The following MID1 variants were observed in gnomAD, a reference collection of about 807,000 sequenced individuals.
MID1 encodes the protein E3 ubiquitin-protein ligase Midline-1.
In MID1, 7 loss-of-function variants were observed where a neutral mutation model predicts 40.4. The observed-to-expected ratio is 0.17, with a 90% CI of 0.10 to 0.33. The LOEUF (loss-of-function observed/expected upper bound fraction) is 0.33. Ranked by LOEUF, MID1 falls within the 10% of genes least tolerant of loss-of-function variation. The pLI is 1.00. For missense variants in MID1, 367 were observed against 558.5 expected, an observed-to-expected ratio of 0.66 and a Z score of 3.46; for synonymous variants, 229 against 221.2, an observed-to-expected ratio of 1.04 and a Z score of -0.31.
chrX:10,503,545 T>C (rs774345059), intron 3 of MID1, among the ~76,000 whole-genome samples: 1 of 112,543 alleles, frequency 8.9e-6, no homozygotes, highest in Non-Finnish European at 1.9e-5. Context: ...CAAGAAAGGC[T>C]TTTCAGAAAA....
At chrX:10,664,323 A>G (rs2042936432) in intron 1 of MID1, among the ~76,000 whole-genome samples, 1 of 111,202 alleles carries the variant, frequency 9.0e-6, no homozygotes, top group East Asian at 2.8e-4. Flanking sequence ...CACCATGTCC[A>G]GCTATTTTTA....
At chrX:10,814,095 T>G (rs192244915) in intron 1 of MID1, among the ~76,000 whole-genome samples, 1 of 112,002 alleles carries the variant, frequency 8.9e-6, no homozygotes, top group East Asian at 2.8e-4. Flanking sequence ...TTCTAAAATT[T>G]TTTTCAAATT....
chrX:10,785,708 A>C (rs1220568780), intron 1 of MID1, among the ~76,000 whole-genome samples: 4 of 111,414 alleles, frequency 3.6e-5, no homozygotes, highest in African/African-American at 9.8e-5. Context: ...CAAAAACAAG[A>C]AATGGGGAAA....
chrX:10,482,208 C>A (rs1000239307), intron 5 of MID1, among the ~76,000 whole-genome samples: 1 of 111,917 alleles, frequency 8.9e-6, no homozygotes, highest in Admixed American at 9.4e-5. Context: ...AAGCTCCCCC[C>A]TCGTCCAAAA....
intron 1 of MID1, among the ~76,000 whole-genome samples, chrX:10,728,554 T>G (rs1319923977): frequency 8.9e-6 from 1 of 112,161 alleles, no homozygotes; most frequent in Non-Finnish European, 1.9e-5. Context: ...TTAAAACTAC[T>G]AAGCTAGTAG....
At chrX:10,785,760 C>T (rs1669148358) in intron 1 of MID1, among the ~76,000 whole-genome samples, 4 of 111,387 alleles carry the variant, frequency 3.6e-5, no homozygotes, top group East Asian at 5.6e-4. Flanking sequence ...AACTGGCTAG[C>T]CATATGTAGA....
At chrX:10,637,161 T>C (rs1322577188) in intron 1 of MID1, among the ~76,000 whole-genome samples, 3 of 110,214 alleles carry the variant, frequency 2.7e-5, no homozygotes, top group Non-Finnish European at 3.8e-5. Context: ...TCTATGAGCA[T>C]ATCACATTTA....
At chrX:10,469,257 A>AT (rs1482352101) in intron 7 of MID1, 49 of 715,098 alleles carry the variant, frequency 6.9e-5, no homozygotes, top group Non-Finnish European at 7.7e-5. Context: ...TTTTTTTTGT[A>AT]TTTTTTGTAG....
At chrX:10,775,842 A>T (rs948081640) in intron 1 of MID1, among the ~76,000 whole-genome samples, 2 of 111,615 alleles carry the variant, frequency 1.8e-5, no homozygotes, top group Non-Finnish European at 3.8e-5. Context: ...TTGCTAATTT[A>T]ATCAGTAATA....
chrX:10,734,351 C>A (rs1310527361), intron 1 of MID1, among the ~76,000 whole-genome samples: 1 of 110,246 alleles, frequency 9.1e-6, no homozygotes, highest in Non-Finnish European at 1.9e-5. Context: ...AACTCATGAA[C>A]ATAAAGAAGG....
intron 1 of MID1, among the ~76,000 whole-genome samples, chrX:10,673,221 T>A (rs923743012): frequency 9.0e-6 from 1 of 111,725 alleles, no homozygotes; most frequent in African/African-American, 3.3e-5. Flanking sequence ...AAGGGATGCA[T>A]TTTTCTACAA....
chrX:10,598,922 T>A (rs1192818944), intron 1 of MID1, among the ~76,000 whole-genome samples: 1 of 111,878 alleles, frequency 8.9e-6, no homozygotes, highest in African/African-American at 3.3e-5. Flanking sequence ...AATCTGTACA[T>A]TTGTGCTAAT....
chrX:10,496,575 G>T (rs1418634452), intron 3 of MID1, among the ~76,000 whole-genome samples: 3 of 112,691 alleles, frequency 2.7e-5, no homozygotes, highest in African/African-American at 9.7e-5. Flanking sequence ...AGCCACAGGA[G>T]AAGTTGCAAT....
At chrX:10,766,273 T>TG (rs201295079) in intron 1 of MID1, among the ~76,000 whole-genome samples, 6,676 of 111,710 alleles carry the variant, frequency 0.06, 510 homozygotes, top group African/African-American at 0.21. Context: ...CATCATTTAG[T>TG]GGGTAGAGGA....
At chrX:10,763,296 C>T (rs1205643789) in intron 1 of MID1, among the ~76,000 whole-genome samples, 1 of 109,662 alleles carries the variant, frequency 9.1e-6, no homozygotes, top group Admixed American at 9.8e-5. Context: ...GTATATCTCC[C>T]AATGCTATCC....
intron 1 of MID1, among the ~76,000 whole-genome samples, chrX:10,790,994 T>C (rs928950875): frequency 2.7e-5 from 3 of 112,721 alleles, no homozygotes; most frequent in African/African-American, 9.7e-5. Context: ...GACAGTTGAA[T>C]GGACGGATGA....
intron 1 of MID1, chrX:10,590,046 A>AGG (rs1194641587): frequency 9.0e-6 from 1 of 110,999 alleles, no homozygotes; most frequent in Non-Finnish European, 1.9e-5. Context: ...TTGAGCAAGC[A>AGG]GGGGGTACGT....
At position 10,478,526 on chromosome X, in the gene MID1, A is replaced by G. The variant is rs184394373; in HGVS notation, c.1014-3776T>C. 3.1e-3 allele frequency among the ~76,000 whole-genome samples: 343 copies of G among 112,118 alleles called. 1 individual carries two copies. The highest frequency in any genetic ancestry group is 0.011 in the African/African-American group (329 of 30,893). On this transcript the variant is annotated intron_variant, in intron 5 of 9. Transcript: ENST00000317552. Reference sequence around the variant, plus strand: ...GCAGCTCGCAATGTGCTGGGGCTATAATGGTAAAAACAAGGTGGCTAGGGT... The same window carrying G: ...GCAGCTCGCAATGTGCTGGGGCTATGATGGTAAAAACAAGGTGGCTAGGGT...
chrX:10,563,606 C>T (rs1007315725), intron 2 of MID1, among the ~76,000 whole-genome samples: 18 of 111,881 alleles, frequency 1.6e-4, no homozygotes, highest in Admixed American at 1.2e-3. Context: ...ATTATGGATA[C>T]GCTCCACTTA....
Sources: gnomAD v4.1 joint callset for allele counts (sites outside exome capture counted in the v4.1 genomes callset) on GRCh38, gnomAD v4.1.1 for gene constraint, MANE v1.5 for transcripts, NCBI Gene and HGNC (gene_info 2026-07-23, HGNC 2026-07-21) for gene names.